Variants in STXBP4 observed in about 807,000 individuals in gnomAD.
STXBP4 encodes the protein syntaxin binding protein 4.
A neutral mutation model predicts 76.1 loss-of-function variants in STXBP4; 55 were observed. The ratio of observed to expected loss-of-function variants is 0.72; its 90% CI spans 0.58 to 0.91. The LOEUF is 0.91. Ranked by LOEUF, STXBP4 falls within the 40% of genes least tolerant of loss-of-function variation. The pLI is 0.00. For missense variants in STXBP4, 618 were observed against 636.9 expected (o/e 0.97, Z 0.32); for synonymous variants, 201 against 220.2 (o/e 0.91, Z 0.77).
intron 13 of STXBP4, among the ~76,000 whole-genome samples, chr17:55,075,284 A>G (rs1278955085): frequency 1.3e-5 from 2 of 152,144 alleles, no homozygotes; most frequent in African/African-American, 4.8e-5. Context: ...AAATAGAAAT[A>G]TACTCTATGT....
At chr17:55,120,916 G>T (rs564842157) in intron 16 of STXBP4, among the ~76,000 whole-genome samples, 1 of 152,176 alleles carries the variant, frequency 6.6e-6, no homozygotes, top group East Asian at 1.9e-4. Context: ...TCTAGCCCTT[G>T]CACACAGAAG....
chr17:55,122,240 G>T (rs571043473), intron 16 of STXBP4, among the ~76,000 whole-genome samples: 1 of 152,272 alleles, frequency 6.6e-6, no homozygotes, highest in South Asian at 2.1e-4. Flanking sequence ...ACACAAAGAT[G>T]GATAAAACAT....
chr17:55,184,280 A>T, the STXBP4 span, among the ~76,000 whole-genome samples: 2 of 152,342 alleles, frequency 1.3e-5, no homozygotes, highest in Admixed American at 6.5e-5. Context: ...GTGACATATT[A>T]TTTATAACCA....
At chr17:55,113,091 C>T (rs2079740239) in intron 16 of STXBP4, among the ~76,000 whole-genome samples, 2 of 151,970 alleles carry the variant, frequency 1.3e-5, no homozygotes, top group African/African-American at 4.8e-5. Flanking sequence ...CCTCTTAGGA[C>T]CTCTTGGTCA....
At chr17:55,089,499 G>A (rs549632380) in intron 16 of STXBP4, among the ~76,000 whole-genome samples, 3 of 152,232 alleles carry the variant, frequency 2.0e-5, no homozygotes, top group Admixed American at 2.0e-4. Context: ...GGAAACTTTT[G>A]TCTGTTCTGT....
chr17:55,077,575 C>G (rs2079198442), intron 13 of STXBP4, among the ~76,000 whole-genome samples: 1 of 151,936 alleles, frequency 6.6e-6, no homozygotes, highest in Non-Finnish European at 1.5e-5. Context: ...CAGCATATAC[C>G]CTCCGAACAA....
rs571434707 is a variant in STXBP4 at position 55,105,557 on chromosome 17, T to C, written c.1489+24374T>C. 3.3e-5 allele frequency among the ~76,000 whole-genome samples: 5 copies of C among 151,356 alleles called. No individual in the cohort carries two copies. In the South Asian group the frequency reaches 1.1e-3, roughly 32 times the overall value. On this transcript the variant is annotated intron_variant, in intron 16 of 17. Coordinates refer to ENST00000376352, the MANE Select transcript of STXBP4 (RefSeq NM_178509.6). Reference sequence around the variant, plus strand: ...ATCTCAGCTCACTGCAAGCTCTGCCTTCCGGGTTCATACACCATTCTCCTG... The same window carrying C: ...ATCTCAGCTCACTGCAAGCTCTGCCCTCCGGGTTCATACACCATTCTCCTG...
At chr17:55,031,322 G>T (rs1447340241) in intron 9 of STXBP4, 58 bp downstream of exon 9, 6 of 1,323,948 alleles carry the variant, frequency 4.5e-6, no homozygotes, top group Admixed American at 1.8e-5. Context: ...GAGTTATGGT[G>T]ACACATTTTC....
chr17:54,971,818 A>G (rs1205551809), intron 1 of STXBP4, among the ~76,000 whole-genome samples: 3 of 147,700 alleles, frequency 2.0e-5, no homozygotes, highest in Admixed American at 6.7e-5. Context: ...TTTTTGAGAG[A>G]CAAGATCTTG....
the STXBP4 span, among the ~76,000 whole-genome samples, chr17:55,192,731 T>C: frequency 6.6e-6 from 1 of 152,204 alleles, no homozygotes; most frequent in African/African-American, 2.4e-5. Context: ...CTACTCTTAG[T>C]ATGCCCATTT....
chr17:55,138,019 A>G lies in STXBP4; in HGVS notation c.1490-3291A>G, dbSNP rs1048102628. Among the ~76,000 whole-genome samples, 3 of 152,048 alleles carry G rather than the reference A, an allele frequency of 2.0e-5. No homozygotes were observed. In the East Asian group the frequency reaches 5.8e-4, roughly 29 times the overall value. On this transcript the variant is annotated intron_variant, in intron 16 of 17. Coordinates refer to ENST00000376352, the MANE Select transcript of STXBP4 (RefSeq NM_178509.6). ...TGTTCATTTGTGTTTCATGCCCTAC[A>G]TGTTTCACGTTTTGCCTATTTTGTT...
downstream of STXBP4, among the ~76,000 whole-genome samples, chr17:55,173,921 C>A (rs557780914): frequency 6.1e-4 from 93 of 152,328 alleles, 2 homozygotes; most frequent in South Asian, 8.3e-3. Context: ...TTTTGACCCC[C>A]TTTATCCACC....
chr17:55,015,347 G>A (rs2078186879), intron 8 of STXBP4, among the ~76,000 whole-genome samples: 1 of 152,144 alleles, frequency 6.6e-6, no homozygotes, highest in Non-Finnish European at 1.5e-5. Context: ...TGGCCTGTGG[G>A]GAATTGTTCT....
the STXBP4 span, among the ~76,000 whole-genome samples, chr17:55,198,531 T>C: frequency 6.6e-6 from 1 of 152,180 alleles, no homozygotes; most frequent in East Asian, 1.9e-4. Flanking sequence ...CACATAAAAA[T>C]CATCAAGATA....
At chr17:55,060,093 C>T (rs549622856) in intron 12 of STXBP4, among the ~76,000 whole-genome samples, 1 of 152,068 alleles carries the variant, frequency 6.6e-6, no homozygotes, top group African/African-American at 2.4e-5. Flanking sequence ...TATACAAACC[C>T]ACATGCATAC....
chr17:55,075,787 G>A (rs1272790339), intron 13 of STXBP4, among the ~76,000 whole-genome samples: 1 of 151,980 alleles, frequency 6.6e-6, no homozygotes, highest in African/African-American at 2.4e-5. Context: ...TGATGTGCTG[G>A]GACCAACTGA....
chr17:55,084,966 C>T (rs2079305268), intron 16 of STXBP4, among the ~76,000 whole-genome samples: 1 of 152,050 alleles, frequency 6.6e-6, no homozygotes, highest in Admixed American at 6.6e-5. Context: ...ACCCAAATGT[C>T]CAACAATGAT....
At position 55,081,166 on chromosome 17, in the gene STXBP4, C is replaced by T; in HGVS notation, c.1472C>T (p.Ala491Val). The T allele has an allele frequency of 6.7e-7, 1 of 1,498,208 alleles. No homozygotes were observed. Among genetic ancestry groups the T allele is most frequent in the South Asian group, 1.4e-5 (1 of 73,524 alleles). 92.8% of individuals were successfully genotyped at this position (1,498,208 alleles called of 1,614,324 possible). ...ESKELVKSVR[A>V]LLDMDCLPYG... is the part of the protein sequence containing the mutation. ...AAGGAACTTGTTAAATCTGTTCGTG[C>T]CTTACTTGATATGGATTGTAAGTTT... Residue 491 changes from alanine (A) to valine (V), a missense_variant, in exon 16 of 18, where the codon GCC (alanine) becomes GTC (valine). Ala to Val is a moderately conservative substitution (Grantham distance 64). Transcript: ENST00000376352.
chr17:55,056,759 T>C (rs888027726), intron 12 of STXBP4, among the ~76,000 whole-genome samples: 1 of 151,976 alleles, frequency 6.6e-6, no homozygotes, highest in Non-Finnish European at 1.5e-5. Context: ...TCTCAAAACT[T>C]TGGGAGATCT....
Sources: allele counts gnomAD v4.1 joint callset (sites outside exome capture counted in the v4.1 genomes callset), GRCh38; gene constraint gnomAD v4.1.1; transcripts MANE v1.5; gene names NCBI Gene and HGNC (gene_info 2026-07-23, HGNC 2026-07-21).